Variants in P4HA1 observed in about 807,000 individuals in gnomAD.
P4HA1 encodes prolyl 4-hydroxylase subunit alpha-1.
Under a neutral mutation model 72.8 loss-of-function variants are expected in P4HA1, and 24 were observed. The ratio of observed to expected loss-of-function variants is 0.33; its 90% CI spans 0.24 to 0.46. The LOEUF (loss-of-function observed/expected upper bound fraction) is 0.46, where lower values mean the gene tolerates loss of function less well. Ranked by LOEUF, P4HA1 falls within the 20% of genes least tolerant of loss-of-function variation. The pLI is 1.00. For missense variants in P4HA1, 446 were observed against 640.6 expected, an observed-to-expected ratio of 0.70 and a Z score of 3.28; for synonymous variants, 201 against 218.8, an observed-to-expected ratio of 0.92 and a Z score of 0.72.
chr10:73,045,172 C>T (rs1288858488), intron 8 of P4HA1, 121 bp from the exon 9 acceptor site: 2 of 693,604 alleles, frequency 2.9e-6, no homozygotes, highest in Admixed American at 2.8e-5. Flanking sequence ...TAACTCCATA[C>T]ACTTCCAGTC....
At chr10:73,057,980 A>G (rs542386548) in intron 5 of P4HA1, among the ~76,000 whole-genome samples, 2 of 150,804 alleles carry the variant, frequency 1.3e-5, no homozygotes, top group Admixed American at 1.3e-4. Flanking sequence ...AATTCCAACT[A>G]CTGGGGAGGC....
intron 9 of P4HA1, among the ~76,000 whole-genome samples, chr10:73,039,097 T>C (rs982727137): frequency 4.6e-5 from 7 of 152,096 alleles, no homozygotes; most frequent in Non-Finnish European, 8.8e-5. Context: ...CTAGGCAATA[T>C]AGTGAAACCC....
chr10:73,024,576 A>G (rs185245476), intron 10 of P4HA1, among the ~76,000 whole-genome samples: 34 of 152,342 alleles, frequency 2.2e-4, no homozygotes, highest in African/African-American at 7.5e-4. Flanking sequence ...TCACAATTAA[A>G]AGAACAAGAG....
chr10:73,046,592 T>TTG (rs1367576910), intron 8 of P4HA1, among the ~76,000 whole-genome samples: 2 of 152,212 alleles, frequency 1.3e-5, no homozygotes, highest in Admixed American at 1.3e-4. Flanking sequence ...AAGCTGGGCT[T>TTG]TGAGTAGCCT....
intron 1 of P4HA1, among the ~76,000 whole-genome samples, chr10:73,078,961 T>A (rs573933847): frequency 1.6e-4 from 25 of 152,238 alleles, no homozygotes; most frequent in African/African-American, 5.8e-4. Flanking sequence ...TATAATATAT[T>A]TTTATAGTGA....
intron 11 of P4HA1, among the ~76,000 whole-genome samples, chr10:73,016,218 G>C (rs1442895886): frequency 6.6e-6 from 1 of 152,102 alleles, no homozygotes; most frequent in East Asian, 1.9e-4. Flanking sequence ...ACTCTTCCCT[G>C]ACTTCAGCAA....
chr10:73,093,866 A>AAAT (rs1360081364), intron 1 of P4HA1, among the ~76,000 whole-genome samples: 3 of 72,146 alleles, frequency 4.2e-5, no homozygotes, highest in African/African-American at 2.1e-4. Context: ...AAAAAAAAAA[A>AAAT]AAAAAAAATA....
intron 10 of P4HA1, among the ~76,000 whole-genome samples, chr10:73,017,143 G>A (rs1370343911): frequency 6.8e-6 from 1 of 147,904 alleles, no homozygotes; most frequent in Non-Finnish European, 1.5e-5. Context: ...ATCTACAGAT[G>A]TATATATAGA....
chr10:73,019,855 G>A (rs1840095060), intron 10 of P4HA1, among the ~76,000 whole-genome samples: 2 of 151,494 alleles, frequency 1.3e-5, no homozygotes, highest in South Asian at 2.1e-4. Context: ...TTACTCAGAG[G>A]GGAAAAAAAA....
At chr10:73,020,945 G>A (rs1309353868) in intron 10 of P4HA1, among the ~76,000 whole-genome samples, 1 of 152,082 alleles carries the variant, frequency 6.6e-6, no homozygotes, top group Non-Finnish European at 1.5e-5. Context: ...GACCAGCCTG[G>A]CCAACATGGT....
chr10:73,059,186 A>G (rs1841237498), intron 5 of P4HA1, among the ~76,000 whole-genome samples: 1 of 152,030 alleles, frequency 6.6e-6, no homozygotes, highest in African/African-American at 2.4e-5. Flanking sequence ...TCACATAGAA[A>G]AAGGAAGGGA....
intron 1 of P4HA1, 28 bp downstream of exon 1, chr10:73,096,738 A>C (rs1014497688): frequency 4.6e-5 from 7 of 153,418 alleles, no homozygotes; most frequent in African/African-American, 1.7e-4. Flanking sequence ...CAGTGGCCTC[A>C]GTCTCCGGGA....
chr10:73,091,215 T>C (rs1589634486), intron 1 of P4HA1, among the ~76,000 whole-genome samples: 3 of 152,078 alleles, frequency 2.0e-5, no homozygotes, highest in Admixed American at 2.0e-4. Flanking sequence ...GGAGGAAGGT[T>C]GTCAGAACCA....
intron 2 of P4HA1, 87 bp downstream of exon 2, chr10:73,074,721 G>A: frequency 2.7e-6 from 2 of 747,950 alleles, no homozygotes; most frequent in Non-Finnish European, 4.8e-6. Flanking sequence ...GGAATACACT[G>A]TATTTGTTTT....
At chr10:73,072,262 G>T (rs1466617071) in intron 3 of P4HA1, 82 bp from the exon 4 acceptor site, 22 of 1,161,266 alleles carry the variant, frequency 1.9e-5, no homozygotes, top group South Asian at 1.5e-5. Flanking sequence ...GAAAAAAAAT[G>T]ACTAGAAGTT....
chr10:73,073,649 T>C, intron 3 of P4HA1, 82 bp downstream of exon 3: 1 of 761,478 alleles, frequency 1.3e-6, no homozygotes, highest in Non-Finnish European at 2.3e-6. Flanking sequence ...ATGGGTTTCA[T>C]TTCTACTTAA....
At chr10:73,073,027 G>T (rs572333490) in intron 3 of P4HA1, among the ~76,000 whole-genome samples, 2 of 151,634 alleles carry the variant, frequency 1.3e-5, no homozygotes, top group Middle Eastern at 3.2e-3. Context: ...AAAATTACCC[G>T]GGCATGGTGG....
intron 5 of P4HA1, among the ~76,000 whole-genome samples, chr10:73,064,457 T>C (rs1221688942): frequency 2.1e-5 from 3 of 145,552 alleles, no homozygotes; most frequent in East Asian, 2.1e-4. Context: ...CCTGGGTTGA[T>C]AGCAGAGTGA....
intron 11 of P4HA1, among the ~76,000 whole-genome samples, chr10:73,014,793 G>A (rs557571384): frequency 2.6e-5 from 4 of 151,352 alleles, no homozygotes; most frequent in Non-Finnish European, 4.4e-5. Context: ...TTGAACTCAC[G>A]ACCTACTGAA....
Sources: gnomAD v4.1 joint callset for allele counts (sites outside exome capture counted in the v4.1 genomes callset) on GRCh38, gnomAD v4.1.1 for gene constraint, MANE v1.5 for transcripts, NCBI Gene and HGNC (gene_info 2026-07-23, HGNC 2026-07-21) for gene names.